The following IFT81 variants were observed in gnomAD, a reference collection of about 807,000 sequenced individuals.
The protein encoded by IFT81 is intraflagellar transport 81, also known as intraflagellar transport protein 81 homolog.
IFT81 carries 72 observed loss-of-function variants against 102.6 expected under a neutral mutation model. That is an observed-to-expected ratio of 0.70 (90% confidence interval 0.58 to 0.85). The LOEUF is 0.85. Among genes scored for constraint, IFT81 ranks in the 40% least tolerant of loss-of-function variants. IFT81 has a pLI of 0.00. For synonymous variants in IFT81, 237 were observed against 242.7 expected (o/e 0.98, Z 0.22); for missense variants, 723 against 787.3 (o/e 0.92, Z 0.98).
chr12:110,188,102 G>A (rs1897619872), intron 12 of IFT81, among the ~76,000 whole-genome samples: 1 of 152,134 alleles, frequency 6.6e-6, no homozygotes, highest in Non-Finnish European at 1.5e-5. Flanking sequence ...GGAGGCTGAG[G>A]CGGGTGGATC....
intron 12 of IFT81, among the ~76,000 whole-genome samples, chr12:110,181,812 G>T (rs762282633): frequency 6.6e-6 from 1 of 152,106 alleles, no homozygotes; most frequent in African/African-American, 2.4e-5. Context: ...CAGAGCTCGA[G>T]AAGGGAATTC....
intron 10 of IFT81, among the ~76,000 whole-genome samples, chr12:110,153,845 C>T (rs1353945274): frequency 4.0e-5 from 6 of 148,264 alleles, no homozygotes; most frequent in Admixed American, 6.8e-5. Flanking sequence ...CTTGAACTCC[C>T]GACCTCAGCT....
rs751623372 is a variant in IFT81, at chr12:110,127,542, CT to C, written c.144+23del. On this transcript the variant is annotated intron_variant, in intron 2 of 18. Transcript: ENST00000242591. ...ACCCAAAGGTAAGAGTTTTCTCTTT[CT>C]TTTTGATGGGTAGCAGAAAGCCAAT... The C allele has an allele frequency of 1.6e-4, 253 of 1,572,540 alleles. 1 individual carries two copies. The African/African-American group carries it at 3.0e-3, about 19-fold the overall frequency.
At chr12:110,173,809 C>T (rs1449507416) in intron 11 of IFT81, among the ~76,000 whole-genome samples, 1 of 151,944 alleles carries the variant, frequency 6.6e-6, no homozygotes, top group Non-Finnish European at 1.5e-5. Flanking sequence ...TCTCAAGTAC[C>T]CAGGGACACA....
intron 14 of IFT81, among the ~76,000 whole-genome samples, chr12:110,196,615 C>T (rs1202720982): frequency 1.3e-5 from 2 of 152,020 alleles, no homozygotes; most frequent in Non-Finnish European, 2.9e-5. Context: ...CTCAGGGGGC[C>T]AAGGCAAGAG....
intron 1 of IFT81, among the ~76,000 whole-genome samples, chr12:110,125,479 C>T (rs571432161): frequency 6.6e-6 from 1 of 152,314 alleles, no homozygotes; most frequent in South Asian, 2.1e-4. Context: ...ACTGCAACCT[C>T]CGCCTCCCGG....
intron 14 of IFT81, among the ~76,000 whole-genome samples, chr12:110,199,750 C>G (rs549840673): frequency 6.6e-6 from 1 of 152,260 alleles, no homozygotes; most frequent in South Asian, 2.1e-4. Context: ...GTGACCCCAG[C>G]CCAGATGCAG....
At chr12:110,168,435 G>C in intron 11 of IFT81, 1 of 878,782 alleles carries the variant, frequency 1.1e-6, no homozygotes, top group Non-Finnish European at 1.4e-6. Context: ...ATATAATGTG[G>C]TAGAATTCAA....
intron 5 of IFT81, 144 bp from the exon 6 acceptor site, chr12:110,134,804 C>T (rs547430497): frequency 3.2e-5 from 20 of 621,168 alleles, no homozygotes; most frequent in African/African-American, 3.1e-4. Context: ...ATAGAAATGA[C>T]CTTCATCCAA....
At position 110,148,360 on chromosome 12, in the gene IFT81, ATAATGC is replaced by A. The variant is rs1895337841; in HGVS notation, c.1041+1314_1041+1319del. ...TATTACATACTTTTATTTGGAAGTG[ATAATGC>A]TCGGTTGTCTGAGCAGCCACTTACT... On this transcript the variant is annotated intron_variant, in intron 10 of 18. Transcript: ENST00000242591. Among the ~76,000 whole-genome samples the A allele has an allele frequency of 2.0e-5, 3 of 152,040 alleles. No individual in the cohort carries two copies. In the South Asian group the frequency reaches 6.2e-4, roughly 32 times the overall value.
chr12:110,161,450 CT>C (rs749807297), intron 10 of IFT81, among the ~76,000 whole-genome samples: 19 of 141,302 alleles, frequency 1.3e-4, no homozygotes, highest in East Asian at 4.2e-4. Context: ...GCCTGACCCA[CT>C]TTTTTTTTTT....
intron 11 of IFT81, among the ~76,000 whole-genome samples, chr12:110,163,718 T>C (rs1209657082): frequency 6.6e-6 from 1 of 150,676 alleles, no homozygotes; most frequent in African/African-American, 2.4e-5. Context: ...TGGGTTCAAG[T>C]GATTCTCCTA....
At chr12:110,190,542 G>T (rs1007637887) in intron 12 of IFT81, among the ~76,000 whole-genome samples, 3 of 151,956 alleles carry the variant, frequency 2.0e-5, no homozygotes, top group Non-Finnish European at 4.4e-5. Context: ...CGTATACCTG[G>T]TGCCTAGAAC....
intron 10 of IFT81, among the ~76,000 whole-genome samples, chr12:110,161,084 A>G (rs1353379495): frequency 6.7e-6 from 1 of 150,284 alleles, no homozygotes; most frequent in African/African-American, 2.4e-5. Context: ...TTATTGAAGT[A>G]TACTATCAAT....
chr12:110,178,427 A>G (rs918775590), intron 11 of IFT81, among the ~76,000 whole-genome samples: 9 of 151,422 alleles, frequency 5.9e-5, no homozygotes, highest in African/African-American at 9.7e-5. Flanking sequence ...AAAAAAAAAA[A>G]AAAGAAAGAA....
At chr12:110,199,232 T>C (rs1219697840) in intron 14 of IFT81, among the ~76,000 whole-genome samples, 1 of 152,220 alleles carries the variant, frequency 6.6e-6, no homozygotes, top group Non-Finnish European at 1.5e-5. Context: ...GTTATTTATA[T>C]CTTCTGATTC....
In IFT81 at chr12:110,197,008, C is replaced by T. The variant is rs541082449; in HGVS notation, c.1557+4302C>T. Among the ~76,000 whole-genome samples, 13 of 152,044 alleles carry T rather than the reference C, an allele frequency of 8.6e-5. No homozygotes were observed. In the South Asian group the frequency reaches 2.5e-3, roughly 29 times the overall value. ...GAGCCCAGGATTTCAATACCAGCCT[C>T]GGCAACATAGCAAGACTCCATCTCT... On this transcript the variant is annotated intron_variant, in intron 14 of 18. Coordinates refer to ENST00000242591, the MANE Select transcript of IFT81 (RefSeq NM_014055.4).
intron 5 of IFT81, among the ~76,000 whole-genome samples, chr12:110,133,811 T>G (rs1248288637): frequency 6.6e-6 from 1 of 152,242 alleles, no homozygotes; most frequent in East Asian, 1.9e-4. Context: ...TTCTTCTGCA[T>G]GATTTTTAAT....
intron 11 of IFT81, among the ~76,000 whole-genome samples, chr12:110,169,403 C>T (rs1593328494): frequency 6.6e-6 from 1 of 152,038 alleles, no homozygotes; most frequent in East Asian, 1.9e-4. Context: ...TTGAGTTCTC[C>T]CAGTGAATCA....
Sources: gnomAD v4.1 joint callset for allele counts (sites outside exome capture counted in the v4.1 genomes callset) on GRCh38, gnomAD v4.1.1 for gene constraint, MANE v1.5 for transcripts, NCBI Gene and HGNC (gene_info 2026-07-23, HGNC 2026-07-21) for gene names.